The following ARHGAP6 variants were observed in gnomAD, a reference collection of about 807,000 sequenced individuals.
ARHGAP6 encodes the protein rho GTPase-activating protein 6.
ARHGAP6 carries 16 observed loss-of-function variants against 55.7 expected under a neutral mutation model. That is an observed-to-expected ratio of 0.29 (90% CI 0.19 to 0.44). The LOEUF (loss-of-function observed/expected upper bound fraction) is 0.44, where lower values mean the gene tolerates loss of function less well. ARHGAP6 is among the 20% of genes least tolerant of loss of function. The probability of loss-of-function intolerance (pLI) is 1.00; values close to 1 mark genes in which losing one functional copy is unlikely to be tolerated. For synonymous variants in ARHGAP6, 382 were observed against 360.9 expected (o/e 1.06, Z -0.66); for missense variants, 698 against 808.9 (o/e 0.86, Z 1.66).
intron 1 of ARHGAP6, among the ~76,000 whole-genome samples, chrX:11,500,965 T>C (rs2050672231): frequency 1.8e-5 from 2 of 110,489 alleles, no homozygotes; most frequent in African/African-American, 6.6e-5. Flanking sequence ...AGCGTGGTTG[T>C]TGGCAAGGTT....
chrX:11,216,922 G>A (rs2046891414), intron 2 of ARHGAP6, among the ~76,000 whole-genome samples: 1 of 109,491 alleles, frequency 9.1e-6, no homozygotes, highest in Admixed American at 9.8e-5. Context: ...GTGTCCATGT[G>A]CTCTCGTTGT....
chrX:11,290,803 C>G (rs2047981508), intron 1 of ARHGAP6, among the ~76,000 whole-genome samples: 1 of 112,023 alleles, frequency 8.9e-6, no homozygotes, highest in Non-Finnish European at 1.9e-5. Flanking sequence ...ACCAAACACC[C>G]TCCCAGCAGT....
intron 1 of ARHGAP6, among the ~76,000 whole-genome samples, 197 bp downstream of exon 1, chrX:11,664,044 C>T (rs756873788): frequency 6.2e-5 from 7 of 112,751 alleles, no homozygotes; most frequent in Non-Finnish European, 9.4e-5. Flanking sequence ...ACAAGTCCTA[C>T]AAGACGCACA....
chrX:11,450,767 G>A (rs1370450145), intron 1 of ARHGAP6, among the ~76,000 whole-genome samples: 6 of 111,834 alleles, frequency 5.4e-5, no homozygotes, highest in African/African-American at 2.0e-4. Flanking sequence ...GGTGCTAGCT[G>A]TCTTGTGCAT....
chrX:11,505,145 C>T (rs1467468891), intron 1 of ARHGAP6, among the ~76,000 whole-genome samples: 1 of 110,278 alleles, frequency 9.1e-6, no homozygotes, highest in Non-Finnish European at 1.9e-5. Context: ...TAGTGCATTA[C>T]GCTTTCACCT....
intron 1 of ARHGAP6, among the ~76,000 whole-genome samples, chrX:11,468,687 T>G (rs2050319654): frequency 8.9e-6 from 1 of 112,553 alleles, no homozygotes; most frequent in Non-Finnish European, 1.9e-5. Flanking sequence ...TTCTAATCTG[T>G]TTTTTGCTTT....
chrX:11,489,455 A>C (rs2050544339), intron 1 of ARHGAP6, among the ~76,000 whole-genome samples: 1 of 112,946 alleles, frequency 8.9e-6, no homozygotes, highest in Non-Finnish European at 1.9e-5. Flanking sequence ...GCAAAAAGCC[A>C]GATATGAAAT....
chrX:11,217,864 T>C (rs1488710511), intron 2 of ARHGAP6, among the ~76,000 whole-genome samples: 1 of 112,187 alleles, frequency 8.9e-6, no homozygotes, highest in African/African-American at 3.2e-5. Flanking sequence ...TTTAAGTCTT[T>C]AGGTCATCTT....
At chrX:11,232,468 C>T (rs777268436) in intron 2 of ARHGAP6, among the ~76,000 whole-genome samples, 27 of 107,269 alleles carry the variant, frequency 2.5e-4, no homozygotes, top group Non-Finnish European at 4.4e-4. Context: ...TAAAAATACA[C>T]ACAAAAAAAA....
intron 1 of ARHGAP6, among the ~76,000 whole-genome samples, chrX:11,256,299 G>T (rs1430158549): frequency 8.9e-6 from 1 of 112,061 alleles, no homozygotes; most frequent in Non-Finnish European, 1.9e-5. Context: ...CGAGGCAGGA[G>T]AATCGCTTGA....
chrX:11,640,373 C>A (rs981790573), intron 1 of ARHGAP6, among the ~76,000 whole-genome samples: 3 of 111,719 alleles, frequency 2.7e-5, no homozygotes, highest in African/African-American at 9.7e-5. Context: ...AAGAAAAATT[C>A]TCGTACACTG....
intron 1 of ARHGAP6, among the ~76,000 whole-genome samples, chrX:11,485,048 C>T (rs950928784): frequency 2.7e-5 from 3 of 110,339 alleles, no homozygotes; most frequent in Admixed American, 1.9e-4. Flanking sequence ...AAAAAAAAAA[C>T]ATATCACTCA....
chrX:11,439,880 C>A (rs1485934294), intron 1 of ARHGAP6, among the ~76,000 whole-genome samples: 1 of 112,777 alleles, frequency 8.9e-6, no homozygotes, highest in East Asian at 2.8e-4. Flanking sequence ...AAACAATGTT[C>A]CCTTGTTGCA....
chrX:11,573,053 T>G (rs145218303), intron 1 of ARHGAP6, among the ~76,000 whole-genome samples: 27,791 of 110,680 alleles, frequency 0.25, 2,766 homozygotes, highest in Middle Eastern at 0.33. Flanking sequence ...TCTTGTAAAT[T>G]TGTTTGAGTT....
At chrX:11,587,337 G>A (rs1406361578) in intron 1 of ARHGAP6, among the ~76,000 whole-genome samples, 1 of 111,363 alleles carries the variant, frequency 9.0e-6, no homozygotes, top group East Asian at 2.8e-4. Context: ...ATTATTTTGA[G>A]GTATCTATAT....
Position 11,469,895 on chromosome X carries a change from C to T in ARHGAP6, c.588+194346G>A, listed in dbSNP as rs193068756. Among the ~76,000 whole-genome samples, 47 of 111,153 alleles carry T rather than the reference C, an allele frequency of 4.2e-4. No individual in the cohort carries two copies. The East Asian group carries it at 0.011, about 26-fold the overall frequency. ...TACATCTGTTCTATCTAATGGGATT[C>T]GGTTCCACAGTAGAGCCAGTGCCCA... is the stretch of plus-strand genomic sequence containing the variant. On this transcript the variant is annotated intron_variant, in intron 1 of 12. Transcript: ENST00000337414.
At chrX:11,205,935 G>A (rs2147378426) in intron 2 of ARHGAP6, among the ~76,000 whole-genome samples, 1 of 112,132 alleles carries the variant, frequency 8.9e-6, no homozygotes, top group African/African-American at 3.2e-5. Flanking sequence ...CATACTAGGA[G>A]TATTGACAGC....
At chrX:11,501,441 C>T (rs1008326527) in intron 1 of ARHGAP6, among the ~76,000 whole-genome samples, 1 of 111,860 alleles carries the variant, frequency 8.9e-6, no homozygotes, top group Non-Finnish European at 1.9e-5. Context: ...CATAGTTTGC[C>T]AGTTCCTGCT....
chrX:11,659,380 G>T (rs1440551173), intron 1 of ARHGAP6, among the ~76,000 whole-genome samples: 1 of 110,799 alleles, frequency 9.0e-6, no homozygotes, highest in Non-Finnish European at 1.9e-5. Flanking sequence ...GAGTTTCTCA[G>T]TCTCCACACT....
Sources: gnomAD v4.1 joint callset for allele counts (sites outside exome capture counted in the v4.1 genomes callset) on GRCh38, gnomAD v4.1.1 for gene constraint, MANE v1.5 for transcripts, NCBI Gene and HGNC (gene_info 2026-07-23, HGNC 2026-07-21) for gene names.